GDAP1: variants seen among roughly 807,000 people sequenced by gnomAD.
GDAP1 encodes ganglioside induced differentiation associated protein 1.
In GDAP1, 34 loss-of-function variants were observed where a neutral mutation model predicts 40.1. The observed-to-expected ratio is 0.85, with a 90% CI of 0.64 to 1.13. The LOEUF is 1.13. Among genes scored for constraint, GDAP1 ranks in the 50% most tolerant of loss-of-function variants. GDAP1 has a pLI of 0.00. For synonymous variants in GDAP1, 170 were observed against 157.4 expected (o/e 1.08, Z -0.60); for missense variants, 374 against 433.7 (o/e 0.86, Z 1.22).
rs1224599648 is a variant in GDAP1, at chr8:74,365,382, A to T, written c.*1015A>T. 1 of 453,852 alleles carries T rather than the reference A, an allele frequency of 2.2e-6. No homozygotes were observed. The highest frequency in any genetic ancestry group is 4.4e-6 in the Non-Finnish European group (1 of 226,778). 28.1% of individuals were successfully genotyped at this position (453,852 alleles called of 1,614,324 possible). A position where few individuals can be genotyped will look rare whatever the true frequency, so the allele number is the denominator to read the frequency against. On this transcript the variant is annotated 3_prime_UTR_variant, in exon 6 of 6. Coordinates refer to ENST00000220822, the MANE Select transcript of GDAP1 (RefSeq NM_018972.4). ...TGGGTAGATAGTGATGCATACCTGT[A>T]TTCACTGATGTATGTTTAAGGGATT... is the stretch of plus-strand genomic sequence containing the variant.
chr8:74,354,653 G>A (rs1809020583), intron 2 of GDAP1, among the ~76,000 whole-genome samples: 1 of 152,226 alleles, frequency 6.6e-6, no homozygotes, highest in Non-Finnish European at 1.5e-5. Context: ...AAAGAATGGG[G>A]AACCTGGTTA....
intron 2 of GDAP1, among the ~76,000 whole-genome samples, chr8:74,427,248 A>G (rs1805959344): frequency 1.3e-5 from 2 of 152,326 alleles, no homozygotes; most frequent in South Asian, 2.1e-4. Context: ...AGTGCGTCCT[A>G]TGTGAGTTAC....
rs1329328530 is a variant in GDAP1 at position 74,450,805 on chromosome 8, A to G, written c.166-37873A>G. Among the ~76,000 whole-genome samples the G allele has an allele frequency of 4.4e-5, 2 of 45,880 alleles. 1 individual carries two copies. The highest frequency in any genetic ancestry group is 7.8e-5 in the Non-Finnish European group (2 of 25,528). The allele number at this position is 45,880 out of a possible 152,430, so 30.1% of individuals were successfully genotyped here. ...TTTGGATTTATGTCCACCGTTTCCTATTGTTTATTTGAATAATGTATTTTT... is the reference window on the plus strand; with the variant it reads ...TTTGGATTTATGTCCACCGTTTCCTGTTGTTTATTTGAATAATGTATTTTT... On this transcript the variant is annotated intron_variant, in intron 2 of 2. Transcript: ENST00000523640.
chr8:74,455,015 A>C (rs1459625254), intron 2 of GDAP1, among the ~76,000 whole-genome samples: 1 of 152,004 alleles, frequency 6.6e-6, no homozygotes, highest in Non-Finnish European at 1.5e-5. Flanking sequence ...GTGGTTCCAC[A>C]ATGCCAGTCT....
intron 2 of GDAP1, among the ~76,000 whole-genome samples, chr8:74,434,477 C>A (rs905794629): frequency 7.2e-5 from 11 of 152,126 alleles, no homozygotes; most frequent in African/African-American, 1.4e-4. Context: ...AGTGCCAGAT[C>A]TACTATACAG....
At chr8:74,434,926 G>A (rs1806070490) in intron 2 of GDAP1, among the ~76,000 whole-genome samples, 1 of 152,026 alleles carries the variant, frequency 6.6e-6, no homozygotes, top group Admixed American at 6.6e-5. Context: ...TTTCATTATG[G>A]TTGTTTTTTC....
Position 74,453,044 on chromosome 8 carries a change from GGA to G in GDAP1, c.166-35633_166-35632del, listed in dbSNP as rs1806304584. 4.9e-5 allele frequency among the ~76,000 whole-genome samples: 4 copies of G among 82,426 alleles called. 1 individual carries two copies. The Admixed American group carries it at 5.0e-4, about 10-fold the overall frequency. 54.1% of individuals were successfully genotyped at this position (82,426 alleles called of 152,430 possible). On this transcript the variant is annotated intron_variant, in intron 2 of 2. Transcript: ENST00000523640. ...TAGTCGTGCTAAATCACTTAGTCCT[GGA>G]ACAGACTATGCATAAACAGTGGGTT... is the stretch of plus-strand genomic sequence containing the variant.
rs1224049339 is a variant in GDAP1, at chr8:74,366,039, T to C, written c.*1672T>C. The C allele has an allele frequency of 2.2e-6, 1 of 449,528 alleles. No individual in the cohort carries two copies. Among genetic ancestry groups the C allele is most frequent in the Non-Finnish European group, 4.4e-6 (1 of 225,660 alleles). The allele number at this position is 449,528 out of a possible 1,614,324, so 27.8% of individuals were successfully genotyped here. On this transcript the variant is annotated 3_prime_UTR_variant, in exon 6 of 6. Transcript: ENST00000220822. Reference sequence around the variant, plus strand: ...CGTGAAGAAATAAGAATTGGATTTTTATAAAAACCTCTGAAGGATATTTAC... The same window carrying C: ...CGTGAAGAAATAAGAATTGGATTTTCATAAAAACCTCTGAAGGATATTTAC...
intron 2 of GDAP1, among the ~76,000 whole-genome samples, chr8:74,449,346 C>A (rs1376755353): frequency 6.6e-6 from 1 of 151,768 alleles, no homozygotes; most frequent in African/African-American, 2.4e-5. Context: ...ATATAATTCT[C>A]ATTGTCAGTT....
At chr8:74,443,433 T>G (rs931495672) in intron 2 of GDAP1, among the ~76,000 whole-genome samples, 2 of 152,222 alleles carry the variant, frequency 1.3e-5, no homozygotes, top group Non-Finnish European at 2.9e-5. Flanking sequence ...ATTTAAAAGT[T>G]GACCATTCTA....
At chr8:74,396,472 A>G (rs1390378370) in intron 2 of GDAP1, among the ~76,000 whole-genome samples, 4 of 152,046 alleles carry the variant, frequency 2.6e-5, no homozygotes, top group Non-Finnish European at 5.9e-5. Context: ...CGTCATTTAC[A>G]TTAGGTATAT....
At chr8:74,418,557 C>T (rs1046624711) in intron 2 of GDAP1, among the ~76,000 whole-genome samples, 6 of 152,258 alleles carry the variant, frequency 3.9e-5, no homozygotes, top group Non-Finnish European at 7.4e-5. Context: ...AGATGAACAA[C>T]AAGTAACTAT....
chr8:74,421,437 C>T (rs1376964973), intron 2 of GDAP1, among the ~76,000 whole-genome samples: 2 of 151,904 alleles, frequency 1.3e-5, no homozygotes, highest in Non-Finnish European at 2.9e-5. Flanking sequence ...GGCTCCCACA[C>T]AAGTATTTGG....
intron 3 of GDAP1, among the ~76,000 whole-genome samples, chr8:74,360,920 G>C (rs1809330267): frequency 6.6e-6 from 1 of 152,178 alleles, no homozygotes; most frequent in Admixed American, 6.5e-5. Context: ...GTCACACTTT[G>C]GGAATGTTGA....
chr8:74,395,869 A>G lies in GDAP1; in HGVS notation c.165+44548A>G, dbSNP rs1810189985. Among the ~76,000 whole-genome samples the G allele has an allele frequency of 2.0e-5, 3 of 152,368 alleles. No individual in the cohort carries two copies. The South Asian group carries it at 6.2e-4, about 32-fold the overall frequency. On this transcript the variant is annotated intron_variant, in intron 2 of 2. Transcript: ENST00000523640. The stretch of plus-strand genomic sequence containing the variant: ...TTTTAGACTTTACAGTAAGATGGAA[A>G]AATGGGTTAAAAGAACTAAAACATA...
chr8:74,353,041 A>T (rs1373018285), intron 2 of GDAP1, among the ~76,000 whole-genome samples: 1 of 152,166 alleles, frequency 6.6e-6, no homozygotes, highest in South Asian at 2.1e-4. Context: ...TTTACAACAT[A>T]GTAATGTTAC....
intron 2 of GDAP1, among the ~76,000 whole-genome samples, chr8:74,387,265 C>T (rs1228234602): frequency 6.6e-6 from 1 of 152,200 alleles, no homozygotes; most frequent in Non-Finnish European, 1.5e-5. Flanking sequence ...TGCCGGTTTT[C>T]AAAGGGACTG....
chr8:74,422,309 CTTT>C (rs1563465242), intron 2 of GDAP1, among the ~76,000 whole-genome samples: 61 of 39,450 alleles, frequency 1.5e-3, no homozygotes, highest in African/African-American at 9.5e-3. Flanking sequence ...TTCTTTCTTT[CTTT>C]CTTTCTTTCT....
intron 2 of GDAP1, among the ~76,000 whole-genome samples, chr8:74,402,160 G>T (rs1175474018): frequency 5.3e-5 from 8 of 150,460 alleles, no homozygotes. Flanking sequence ...CCCAGAGGTG[G>T]AGCCTACAGA....
Sources: gnomAD v4.1 joint callset for allele counts (sites outside exome capture counted in the v4.1 genomes callset) on GRCh38, gnomAD v4.1.1 for gene constraint, MANE v1.5 for transcripts, NCBI Gene and HGNC (gene_info 2026-07-23, HGNC 2026-07-21) for gene names.